Variants in DNM3 observed in about 807,000 individuals in gnomAD.
DNM3 encodes the protein dynamin 3, also known as dynamin-3.
DNM3 carries 47 observed loss-of-function variants against 101.6 expected under a neutral mutation model. The observed-to-expected ratio is 0.46, with a 90% CI of 0.37 to 0.59. The LOEUF is 0.59. Among genes scored for constraint, DNM3 ranks in the 20% least tolerant of loss-of-function variants. The pLI is 0.00. For synonymous variants in DNM3, 385 were observed against 387.9 expected, an observed-to-expected ratio of 0.99 and a Z score of 0.09; for missense variants, 849 against 1,085.7, an observed-to-expected ratio of 0.78 and a Z score of 3.06.
intron 15 of DNM3, among the ~76,000 whole-genome samples, chr1:172,287,937 C>G (rs966703928): frequency 2.0e-5 from 3 of 152,036 alleles, no homozygotes; most frequent in Non-Finnish European, 4.4e-5. Flanking sequence ...CATCCTCCTG[C>G]CTCAGCCTCC....
At chr1:172,330,007 G>A (rs1213117049) in intron 17 of DNM3, among the ~76,000 whole-genome samples, 5 of 152,180 alleles carry the variant, frequency 3.3e-5, no homozygotes, top group South Asian at 2.1e-4. Context: ...CGAGGAAGCC[G>A]TCCTCCTTGT....
At chr1:172,126,720 T>C (rs1045669679) in intron 13 of DNM3, among the ~76,000 whole-genome samples, 1 of 145,584 alleles carries the variant, frequency 6.9e-6, no homozygotes, top group African/African-American at 2.6e-5. Flanking sequence ...GGTACCTGCT[T>C]TTTTTTTTTG....
At chr1:171,847,894 C>CTGTG (rs1234956839) in intron 1 of DNM3, among the ~76,000 whole-genome samples, 13 of 139,764 alleles carry the variant, frequency 9.3e-5, no homozygotes, top group African/African-American at 1.6e-4. Flanking sequence ...CTCTCTCTCT[C>CTGTG]TCTGTGTGTG....
At chr1:172,072,640 C>A (rs12117623) in intron 11 of DNM3, among the ~76,000 whole-genome samples, 39,021 of 152,058 alleles carry the variant, frequency 0.26, 5,324 homozygotes, top group East Asian at 0.46. Context: ...GTAATCCCAG[C>A]ACTTTGGGAG....
At chr1:172,378,471 A>C (rs2068726704) in intron 17 of DNM3, among the ~76,000 whole-genome samples, 1 of 151,958 alleles carries the variant, frequency 6.6e-6, no homozygotes, top group Non-Finnish European at 1.5e-5. Flanking sequence ...AATTCCAGCA[A>C]GTGCATGGAA....
Position 172,408,530 on chromosome 1 carries a change from A to G in DNM3, c.*689A>G, listed in dbSNP as rs2071045492. On this transcript the variant is annotated 3_prime_UTR_variant, in exon 21 of 21. Transcript: ENST00000627582. ...TGAATAAAAGCTTCTTTTTTTGTTA[A>G]TCAGTCAATAAATTTGGCTAATTAG... 1.0e-6 allele frequency: 1 copy of G among 985,214 alleles called. No individual in the cohort carries two copies. Among genetic ancestry groups the G allele is most frequent in the Non-Finnish European group, 1.2e-6 (1 of 829,892 alleles). The allele number at this position is 985,214 out of a possible 1,614,324, so 61.0% of individuals were successfully genotyped here.
chr1:171,873,418 G>A (rs1278706388), intron 1 of DNM3, among the ~76,000 whole-genome samples: 4 of 152,150 alleles, frequency 2.6e-5, no homozygotes, highest in African/African-American at 9.7e-5. Context: ...AAGCCATAAA[G>A]CAAACAAAGA....
At chr1:172,303,569 C>T (rs4484957) in intron 15 of DNM3, among the ~76,000 whole-genome samples, 24,379 of 152,082 alleles carry the variant, frequency 0.16, 2,382 homozygotes, top group East Asian at 0.25. Flanking sequence ...CCCCAAGACA[C>T]ATAACTGTCA....
chr1:172,193,613 A>G (rs1208970524), intron 14 of DNM3, among the ~76,000 whole-genome samples: 2 of 152,130 alleles, frequency 1.3e-5, no homozygotes, highest in African/African-American at 4.8e-5. Flanking sequence ...CGAGGAATTT[A>G]TCCATTTCCT....
intron 4 of DNM3, among the ~76,000 whole-genome samples, chr1:172,002,138 C>G (rs2046393828): frequency 6.6e-6 from 1 of 152,006 alleles, no homozygotes; most frequent in South Asian, 2.1e-4. Context: ...CCTTAAAATT[C>G]TTTGCTTATT....
chr1:172,093,758 C>T (rs765963469), intron 13 of DNM3: 3 of 1,590,822 alleles, frequency 1.9e-6, no homozygotes, highest in East Asian at 2.2e-5. Context: ...TTTACTGTTG[C>T]TTTTTCATTT....
intron 14 of DNM3, among the ~76,000 whole-genome samples, chr1:172,200,030 G>A (rs1034158463): frequency 1.3e-5 from 2 of 151,908 alleles, no homozygotes; most frequent in Admixed American, 6.6e-5. Context: ...GTGTGTTTTT[G>A]TTTTAGCTGG....
At chr1:172,108,742 T>G (rs1645201396) in intron 13 of DNM3, among the ~76,000 whole-genome samples, 1 of 152,212 alleles carries the variant, frequency 6.6e-6, no homozygotes, top group African/African-American at 2.4e-5. Flanking sequence ...GTTTTATAAT[T>G]GAACCTCAGT....
chr1:172,361,702 T>C (rs2149010663), intron 17 of DNM3, among the ~76,000 whole-genome samples: 2 of 152,068 alleles, frequency 1.3e-5, no homozygotes, highest in South Asian at 4.1e-4. Flanking sequence ...GGTTCTCTCC[T>C]TACCCTGAGC....
intron 14 of DNM3, among the ~76,000 whole-genome samples, chr1:172,135,651 A>G (rs921493700): frequency 1.3e-5 from 2 of 152,132 alleles, no homozygotes; most frequent in African/African-American, 4.8e-5. Flanking sequence ...AAAGGGATTT[A>G]GTAAAAAGCA....
At chr1:171,909,323 C>T (rs1169702789) in intron 1 of DNM3, among the ~76,000 whole-genome samples, 1 of 151,574 alleles carries the variant, frequency 6.6e-6, no homozygotes, top group Non-Finnish European at 1.5e-5. Flanking sequence ...ATCCCAGCTA[C>T]TTGGGAGGCT....
At chr1:172,300,557 T>C (rs1381138744) in intron 15 of DNM3, among the ~76,000 whole-genome samples, 1 of 152,186 alleles carries the variant, frequency 6.6e-6, no homozygotes, top group Non-Finnish European at 1.5e-5. Flanking sequence ...AAATAAGCAA[T>C]GGGGAAAGGA....
At chr1:172,345,492 C>A (rs931123578) in intron 17 of DNM3, among the ~76,000 whole-genome samples, 6 of 152,160 alleles carry the variant, frequency 3.9e-5, no homozygotes. Flanking sequence ...AGTTCTCATT[C>A]TTTTTATTGA....
chr1:171,868,385 A>G lies in DNM3; in HGVS notation c.161+26568A>G, dbSNP rs555721029. ...CTGTGGTCTGCTCAGGCCAAGAGGC[A>G]GAAACTGAACTGCCCTCAAATACTT... is the stretch of plus-strand genomic sequence containing the variant. On this transcript the variant is annotated intron_variant, in intron 1 of 20. Transcript: ENST00000627582. 2.0e-5 allele frequency among the ~76,000 whole-genome samples: 3 copies of G among 152,288 alleles called. No individual in the cohort carries two copies. The East Asian group carries it at 5.8e-4, about 29-fold the overall frequency.
Sources: allele counts gnomAD v4.1 joint callset (sites outside exome capture counted in the v4.1 genomes callset), GRCh38; gene constraint gnomAD v4.1.1; transcripts MANE v1.5; gene names NCBI Gene and HGNC (gene_info 2026-07-23, HGNC 2026-07-21).